Variants in ATP2B3 observed in about 807,000 individuals in gnomAD.
ATP2B3 encodes the protein ATPase plasma membrane Ca2+ transporting 3.
ATP2B3 carries 12 observed loss-of-function variants against 70.8 expected under a neutral mutation model. That is an observed-to-expected ratio of 0.17 (90% CI 0.11 to 0.27). ATP2B3 has a LOEUF of 0.27. Among genes scored for constraint, ATP2B3 ranks in the 10% least tolerant of loss-of-function variants. The pLI is 1.00. For missense variants in ATP2B3, 858 were observed against 1,118.5 expected (o/e 0.77, Z 3.32); for synonymous variants, 460 against 497.8 (o/e 0.92, Z 1.01).
At chrX:153,576,859 A>G (rs370662374) in intron 21 of ATP2B3, among the ~76,000 whole-genome samples, 2 of 112,102 alleles carry the variant, frequency 1.8e-5, no homozygotes, top group East Asian at 5.6e-4. Context: ...GTTGCTTTCC[A>G]TTGAACCAAT....
intron 12 of ATP2B3, among the ~76,000 whole-genome samples, chrX:153,552,746 G>T (rs943442613): frequency 1.8e-5 from 2 of 112,509 alleles, no homozygotes; most frequent in Non-Finnish European, 3.8e-5. Flanking sequence ...AAAGCAGGGC[G>T]TGGGCAGGGC....
At chrX:153,538,940 C>T (rs1025162452) in intron 3 of ATP2B3, among the ~76,000 whole-genome samples, 1 of 112,724 alleles carries the variant, frequency 8.9e-6, no homozygotes, top group Non-Finnish European at 1.9e-5. Context: ...CCAGGGGTCC[C>T]GGCTGCTCTC....
At chrX:153,575,979 C>G (rs1263253730) in intron 21 of ATP2B3, among the ~76,000 whole-genome samples, 1 of 111,823 alleles carries the variant, frequency 8.9e-6, no homozygotes, top group African/African-American at 3.3e-5. Context: ...TCGCCTCACC[C>G]GGATGAGATG....
chrX:153,567,840 A>T (rs113633209), intron 21 of ATP2B3, among the ~76,000 whole-genome samples: 1,617 of 112,387 alleles, frequency 0.014, 29 homozygotes, highest in African/African-American at 0.05. Context: ...ACTTTGTCAC[A>T]TCCAACTCAC....
chrX:153,560,627 C>A (rs201209805), intron 18 of ATP2B3, 49 bp from the exon 19 acceptor site: 2 of 1,175,410 alleles, frequency 1.7e-6, no homozygotes, highest in Admixed American at 2.2e-5. Flanking sequence ...CTGAGTAATG[C>A]GTCATGCGCT....
At chrX:153,529,380 C>T (rs2090080746) in intron 2 of ATP2B3, among the ~76,000 whole-genome samples, 1 of 111,366 alleles carries the variant, frequency 9.0e-6, no homozygotes, top group South Asian at 3.8e-4. Context: ...GGGGGGTTTC[C>T]TGGAAGTTAA....
Position 153,543,075 on chromosome X carries a change from G to T in ATP2B3, c.823G>T (p.Val275Leu). Reference protein sequence around the residue: ...THVMEGSGRMVVTAVGVNSQT... With the variant: ...THVMEGSGRMLVTAVGVNSQT... ...TGTCATGGAAGGTTCTGGAAGAATG[G>T]TGGTGACCGCCGTTGGCGTGAATTC... The change falls in exon 7 of 22, where the codon GTG becomes TTG. Residue 275 changes from valine to leucine, a missense_variant. Val to Leu is a conservative substitution (Grantham distance 32). Transcript: ENST00000263519. The T allele has an allele frequency of 3.3e-6, 4 of 1,212,341 alleles. No individual in the cohort carries two copies. Among genetic ancestry groups the T allele is most frequent in the Non-Finnish European group, 4.5e-6 (4 of 895,576 alleles).
intron 16 of ATP2B3, 83 bp from the exon 17 acceptor site, chrX:153,558,029 C>A: frequency 9.8e-7 from 1 of 1,018,806 alleles, no homozygotes; most frequent in Non-Finnish European, 1.3e-6. Flanking sequence ...AGGGAGCCAG[C>A]CCAGGCGGGC....
intron 20 of ATP2B3, among the ~76,000 whole-genome samples, chrX:153,564,436 GC>G (rs2090672073): frequency 8.9e-6 from 1 of 112,708 alleles, no homozygotes. Flanking sequence ...ACGGTCCCCA[GC>G]CCCCTGCCCC....
At chrX:153,529,472 C>A (rs2090081898) in intron 2 of ATP2B3, among the ~76,000 whole-genome samples, 1 of 111,928 alleles carries the variant, frequency 8.9e-6, no homozygotes. Context: ...GCTTGGGCAC[C>A]ACGGGAGGCC....
At chrX:153,528,819 G>T (rs1488433563) in intron 2 of ATP2B3, among the ~76,000 whole-genome samples, 1 of 112,386 alleles carries the variant, frequency 8.9e-6, no homozygotes, top group South Asian at 3.7e-4. Flanking sequence ...GAGGGGAAGG[G>T]CAGAGGAGAA....
Position 153,556,363 on chromosome X carries a change from C to A in ATP2B3, c.2271C>A (p.Pro757=), listed in dbSNP as rs369261392. Reference sequence around the variant, plus strand: ...AGGAGCGGCTGGACAAGGTGTGGCCCAAGCTGAGGGTGCTGGCCCGGTCGT... The same window carrying A: ...AGGAGCGGCTGGACAAGGTGTGGCCAAAGCTGAGGGTGCTGGCCCGGTCGT... ...IEQERLDKVW[P]KLRVLARSSP... is the part of the protein sequence containing the mutation. The change falls in exon 15 of 22, where the codon CCC becomes CCA. Residue 757 remains proline, a synonymous_variant. Transcript: ENST00000263519. The A allele has an allele frequency of 1.4e-5, 17 of 1,206,138 alleles. No homozygotes were observed. The highest frequency in any genetic ancestry group is 3.5e-5 in the African/African-American group (2 of 57,045).
chrX:153,553,119 G>C lies in ATP2B3; in HGVS notation c.1908G>C (p.Glu636Asp). The C allele has an allele frequency of 3.3e-6, 4 of 1,210,417 alleles. No homozygotes were observed. The highest frequency in any genetic ancestry group is 4.5e-6 in the Non-Finnish European group (4 of 894,253). Reference sequence around the variant, plus strand: ...ACGACATGGTGAGGAAGATCATCGAGCCGATGGCTTGCGATGGCCTCCGCA... The same window carrying C: ...ACGACATGGTGAGGAAGATCATCGACCCGATGGCTTGCGATGGCCTCCGCA... ...DRDDMVRKII[E>D]PMACDGLRTI... The change falls in exon 13 of 22, where the codon GAG (glutamate) becomes GAC (aspartate). Residue 636 changes from glutamate to aspartate, a missense_variant. Physicochemically the swap from Glu to Asp is conservative, Grantham distance 45 (BLOSUM62 2). Coordinates refer to ENST00000263519, the MANE Select transcript of ATP2B3 (RefSeq NM_001001344.3).
intron 21 of ATP2B3, among the ~76,000 whole-genome samples, chrX:153,571,958 A>T (rs1037065334): frequency 3.6e-5 from 4 of 111,806 alleles, no homozygotes; most frequent in Non-Finnish European, 5.7e-5. Context: ...TGCCAGAACC[A>T]CCTCCTGCCA....
At chrX:153,540,286 A>T (rs743643) in intron 3 of ATP2B3, among the ~76,000 whole-genome samples, 425 of 112,132 alleles carry the variant, frequency 3.8e-3, no homozygotes, top group African/African-American at 0.013. Flanking sequence ...CTGCGAGGCC[A>T]TGCAGCCCAG....
At chrX:153,578,628 C>T (rs782153379) in intron 21 of ATP2B3, among the ~76,000 whole-genome samples, 2 of 112,632 alleles carry the variant, frequency 1.8e-5, no homozygotes, top group Admixed American at 9.3e-5. Context: ...GGCTGCCGTG[C>T]GCTCAGCTGG....
chrX:153,541,064 G>A (rs941443917), intron 3 of ATP2B3, among the ~76,000 whole-genome samples: 1 of 112,333 alleles, frequency 8.9e-6, no homozygotes, highest in Non-Finnish European at 1.9e-5. Context: ...CCTGGGACCC[G>A]CTGGAGTCCA....
In ATP2B3 at chrX:153,556,435, A is replaced by G. The variant is rs374166055; in HGVS notation, c.2326+17A>G. 90 of 1,184,636 alleles carry G rather than the reference A, an allele frequency of 7.6e-5. No individual in the cohort carries two copies. The African/African-American group carries it at 1.4e-3, about 19-fold the overall frequency. On this transcript the variant is annotated intron_variant, in intron 15 of 21. Coordinates refer to ENST00000263519, the MANE Select transcript of ATP2B3 (RefSeq NM_001001344.3). ...TGGTCAAAGGTAGCCGAGCCCCCAC[A>G]CCCCTTTCCTGGGGTGGCCAGCCCG...
At chrX:153,550,390 A>G (rs1281335054) in intron 12 of ATP2B3, 104 bp downstream of exon 12, 21 of 1,121,231 alleles carry the variant, frequency 1.9e-5, no homozygotes, top group Non-Finnish European at 2.4e-5. Flanking sequence ...ACCACTTTAC[A>G]GTGTACAGTT....
Sources: gnomAD v4.1 joint callset for allele counts (sites outside exome capture counted in the v4.1 genomes callset) on GRCh38, gnomAD v4.1.1 for gene constraint, MANE v1.5 for transcripts, NCBI Gene and HGNC (gene_info 2026-07-23, HGNC 2026-07-21) for gene names.